The following ALPK1 variants were observed in gnomAD, a reference collection of about 807,000 sequenced individuals.
ALPK1 encodes the protein alpha-protein kinase 1.
A neutral mutation model predicts 120.6 loss-of-function variants in ALPK1; 110 were observed. That is an observed-to-expected ratio of 0.91 (90% confidence interval 0.78 to 1.07). The LOEUF is 1.07. Among genes scored for constraint, ALPK1 ranks in the 50% least tolerant of loss-of-function variants. ALPK1 has a pLI of 0.00. For missense variants in ALPK1, 1,498 were observed against 1,483.9 expected (o/e 1.01, Z -0.16); for synonymous variants, 582 against 560.3 (o/e 1.04, Z -0.55).
chr4:112,337,500 C>G (rs1458811992), intron 2 of ALPK1, among the ~76,000 whole-genome samples: 1 of 152,008 alleles, frequency 6.6e-6, no homozygotes, highest in South Asian at 2.1e-4. Context: ...TTTGAGACAG[C>G]CTGGGCAACA....
chr4:112,342,713 C>A (rs1286452746), intron 2 of ALPK1, among the ~76,000 whole-genome samples: 2 of 152,158 alleles, frequency 1.3e-5, no homozygotes, highest in Non-Finnish European at 2.9e-5. Context: ...ATAAAAACAG[C>A]CAGCATTTTC....
At chr4:112,312,917 C>G (rs1007369054) in intron 1 of ALPK1, among the ~76,000 whole-genome samples, 1 of 152,210 alleles carries the variant, frequency 6.6e-6, no homozygotes, top group Admixed American at 6.5e-5. Flanking sequence ...TTCCTTCCAG[C>G]CAAGTTCCTT....
intron 2 of ALPK1, among the ~76,000 whole-genome samples, chr4:112,369,211 C>CCTTTTA (rs1396596802): frequency 6.6e-6 from 1 of 152,114 alleles, no homozygotes; most frequent in Non-Finnish European, 1.5e-5. Context: ...TTGCCTTCTC[C>CCTTTTA]CTTTTAATGC....
At chr4:112,347,494 A>G (rs1730150844) in intron 2 of ALPK1, among the ~76,000 whole-genome samples, 1 of 152,224 alleles carries the variant, frequency 6.6e-6, no homozygotes, top group Non-Finnish European at 1.5e-5. Flanking sequence ...AAGTAGTATA[A>G]TAGTAGGAAG....
intron 13 of ALPK1, 43 bp downstream of exon 13, chr4:112,438,689 A>G (rs760677171): frequency 6.3e-7 from 1 of 1,584,856 alleles, no homozygotes; most frequent in East Asian, 2.2e-5. Flanking sequence ...TCCAAATCAC[A>G]CTTGAATATC....
intron 3 of ALPK1, among the ~76,000 whole-genome samples, chr4:112,380,800 G>A (rs970689307): frequency 6.6e-6 from 1 of 152,188 alleles, no homozygotes; most frequent in Admixed American, 6.5e-5. Flanking sequence ...TAAAAATGAT[G>A]AGACATGATG....
chr4:112,312,191 T>G (rs1050829345), intron 1 of ALPK1, among the ~76,000 whole-genome samples: 2 of 152,242 alleles, frequency 1.3e-5, no homozygotes, highest in Admixed American at 1.3e-4. Flanking sequence ...ATAATTCTTA[T>G]GTTCTTTTAT....
Position 112,442,563 on chromosome 4 carries a change from A to G in ALPK1, c.*1353A>G, listed in dbSNP as rs906693898. Reference sequence around the variant, plus strand: ...GAAGTAATTCGCACAACAAACCCCCATGACACAAACCTGCACATGTACCCC... The same window carrying G: ...GAAGTAATTCGCACAACAAACCCCCGTGACACAAACCTGCACATGTACCCC... On this transcript the variant is annotated 3_prime_UTR_variant, in exon 16 of 16. Transcript: ENST00000650871. The G allele has an allele frequency of 6.6e-6, 1 of 152,052 alleles. No homozygotes were observed. The highest frequency in any genetic ancestry group is 1.5e-5 in the Non-Finnish European group (1 of 68,026). 9.4% of individuals were successfully genotyped at this position (152,052 alleles called of 1,614,324 possible).
At chr4:112,347,583 C>G (rs527922254) in intron 2 of ALPK1, among the ~76,000 whole-genome samples, 1 of 152,260 alleles carries the variant, frequency 6.6e-6, no homozygotes, top group East Asian at 1.9e-4. Context: ...GAATTTTTTA[C>G]AAGTTGAATT....
At chr4:112,422,337 T>G (rs115341975) in intron 5 of ALPK1, among the ~76,000 whole-genome samples, 10 of 152,212 alleles carry the variant, frequency 6.6e-5, no homozygotes, top group Non-Finnish European at 1.2e-4. Context: ...TCCTGTACTT[T>G]ATCTTGGGTA....
intron 4 of ALPK1, among the ~76,000 whole-genome samples, chr4:112,402,389 A>G (rs749577688): frequency 9.2e-5 from 14 of 152,222 alleles, no homozygotes; most frequent in Non-Finnish European, 1.9e-4. Context: ...TAATGCAAGG[A>G]ACCATGAAAA....
chr4:112,413,937 T>C (rs544984661), intron 5 of ALPK1, among the ~76,000 whole-genome samples: 2 of 152,202 alleles, frequency 1.3e-5, no homozygotes, highest in Non-Finnish European at 2.9e-5. Context: ...AAAGACACTA[T>C]TAAAAGTGCC....
intron 2 of ALPK1, among the ~76,000 whole-genome samples, chr4:112,353,474 A>T (rs1730454547): frequency 1.3e-5 from 2 of 152,320 alleles, no homozygotes; most frequent in Middle Eastern, 6.8e-3. Context: ...ATTTTACTGG[A>T]TAATGCCAAA....
Position 112,441,003 on chromosome 4 carries a change from T to C in ALPK1, c.3625T>C (p.Phe1209Leu). 6.2e-7 allele frequency: 1 copy of C among 1,613,998 alleles called. No homozygotes were observed. The highest frequency in any genetic ancestry group is 8.5e-7 in the Non-Finnish European group (1 of 1,179,912). ...SVDQKVFTTN[F>L]GKRGIFYFFN... ...TGATCAGAAAGTTTTCACTACCAAT[T>C]TTGGAAAGAGAGGAATTTTTTACTT... The change falls in exon 15 of 16, where the codon TTT becomes CTT. Residue 1209 changes from phenylalanine to leucine, a missense_variant. Transcript: ENST00000650871.
chr4:112,428,514 G>A lies in ALPK1; in HGVS notation c.796-635G>A, dbSNP rs189106735. On this transcript the variant is annotated intron_variant, in intron 9 of 15. Transcript: ENST00000650871. ...TGCTTTTTCTGTTTGACCAAAACAG[G>A]AGGATCATGTCCCTTGTTCACTGAA... 3.2e-3 allele frequency among the ~76,000 whole-genome samples: 485 copies of A among 152,298 alleles called. 1 individual carries two copies. The highest frequency in any genetic ancestry group is 0.011 in the African/African-American group (443 of 41,576).
intron 4 of ALPK1, among the ~76,000 whole-genome samples, chr4:112,408,741 T>C (rs1414477863): frequency 6.6e-6 from 1 of 152,186 alleles, no homozygotes; most frequent in African/African-American, 2.4e-5. Context: ...CCCAAAGTGC[T>C]GGGATTACAG....
At chr4:112,366,358 C>A (rs1020734310) in intron 2 of ALPK1, among the ~76,000 whole-genome samples, 8 of 150,412 alleles carry the variant, frequency 5.3e-5, no homozygotes, top group African/African-American at 9.8e-5. Flanking sequence ...GAAAAAAAAA[C>A]AAACAATTCC....
chr4:112,341,808 G>A (rs563849084), intron 2 of ALPK1, among the ~76,000 whole-genome samples: 1 of 152,304 alleles, frequency 6.6e-6, no homozygotes, highest in African/African-American at 2.4e-5. Context: ...TCAACATAAT[G>A]ATATCGGTGC....
At chr4:112,362,605 A>G (rs564530903) in intron 2 of ALPK1, among the ~76,000 whole-genome samples, 8 of 152,344 alleles carry the variant, frequency 5.3e-5, no homozygotes, top group Middle Eastern at 3.4e-3. Flanking sequence ...GACTAAACCT[A>G]CAAATAATTG....
Sources: gnomAD v4.1 joint callset for allele counts (sites outside exome capture counted in the v4.1 genomes callset) on GRCh38, gnomAD v4.1.1 for gene constraint, MANE v1.5 for transcripts, NCBI Gene and HGNC (gene_info 2026-07-23, HGNC 2026-07-21) for gene names.